The following ZBTB40 variants were observed in gnomAD, a reference collection of about 807,000 sequenced individuals.
The protein encoded by ZBTB40 is zinc finger and BTB domain containing 40.
Under a neutral mutation model 117.5 loss-of-function variants are expected in ZBTB40, and 60 were observed. That is an observed-to-expected ratio of 0.51 (90% CI 0.41 to 0.63). The LOEUF is 0.63. Among genes scored for constraint, ZBTB40 ranks in the 30% least tolerant of loss-of-function variants. The pLI is 0.00. For missense variants in ZBTB40, 1,287 were observed against 1,498.5 expected, an observed-to-expected ratio of 0.86 and a Z score of 2.33; for synonymous variants, 525 against 577.1, an observed-to-expected ratio of 0.91 and a Z score of 1.29.
chr1:22,514,862 C>T (rs990897865), intron 12 of ZBTB40, among the ~76,000 whole-genome samples: 5 of 152,136 alleles, frequency 3.3e-5, no homozygotes, highest in African/African-American at 4.8e-5. Context: ...GGCCTTCAAT[C>T]GATATTTGCT....
chr1:22,456,174 G>C (rs1262605815), intron 1 of ZBTB40, among the ~76,000 whole-genome samples: 1 of 152,122 alleles, frequency 6.6e-6, no homozygotes, highest in Non-Finnish European at 1.5e-5. Context: ...AATATTAAGG[G>C]CATTTAAATT....
Position 22,511,770 on chromosome 1 carries a change from C to G in ZBTB40, c.2097C>G (p.Ala699=), listed in dbSNP as rs1461868332. Residue 699 remains alanine, a synonymous_variant, in exon 11 of 18, where the codon GCC becomes GCG. Coordinates refer to ENST00000375647, the MANE Select transcript of ZBTB40 (RefSeq NM_014870.4). ...EANNKEDEKA[A]KEDSQPGEQN... ...ACAACAAAGAAGATGAAAAGGCAGCCAAAGAAGACAGCCAGCCTGGGGAAC... is the reference window on the plus strand; with the variant it reads ...ACAACAAAGAAGATGAAAAGGCAGCGAAAGAAGACAGCCAGCCTGGGGAAC... The G allele has an allele frequency of 3.1e-6, 5 of 1,609,676 alleles. No homozygotes were observed. Among genetic ancestry groups the G allele is most frequent in the Middle Eastern group, 3.3e-4 (2 of 6,046 alleles).
chr1:22,463,914 A>T (rs1641191534), intron 1 of ZBTB40, among the ~76,000 whole-genome samples: 1 of 152,282 alleles, frequency 6.6e-6, no homozygotes, highest in Non-Finnish European at 1.5e-5. Flanking sequence ...AATGGTTATT[A>T]TAGGCACATC....
intron 3 of ZBTB40, among the ~76,000 whole-genome samples, chr1:22,499,179 G>A (rs577463144): frequency 6.6e-6 from 1 of 152,328 alleles, no homozygotes; most frequent in South Asian, 2.1e-4. Flanking sequence ...CCACTTCCAA[G>A]CTTACTCCCT....
In ZBTB40 at chr1:22,528,435, A is replaced by G. The variant is rs199795892; in HGVS notation, c.*2039A>G. On this transcript the variant is annotated 3_prime_UTR_variant, in exon 18 of 18. Coordinates refer to ENST00000375647, the MANE Select transcript of ZBTB40 (RefSeq NM_014870.4). ...TATAGGGAAGTGATTTAAAAAGAAA[A>G]AACAAACAACAACAAAAAAAACTCT... is the stretch of plus-strand genomic sequence containing the variant. 1 of 63,230 alleles carries G rather than the reference A, an allele frequency of 1.6e-5. No individual in the cohort carries two copies. The highest frequency in any genetic ancestry group is 3.3e-5 in the Non-Finnish European group (1 of 30,390). 3.9% of individuals were successfully genotyped at this position (63,230 alleles called of 1,614,324 possible). A position where few individuals can be genotyped will look rare whatever the true frequency, so the allele number is the denominator to read the frequency against.
chr1:22,442,959 G>T (rs996266744), intron 1 of ZBTB40, among the ~76,000 whole-genome samples: 3 of 152,146 alleles, frequency 2.0e-5, no homozygotes, highest in African/African-American at 7.2e-5. Flanking sequence ...TCTTCCAGTT[G>T]TATTTAATCT....
At chr1:22,432,778 A>G (rs1358860022) in intron 1 of ZBTB40, among the ~76,000 whole-genome samples, 1 of 152,202 alleles carries the variant, frequency 6.6e-6, no homozygotes, top group African/African-American at 2.4e-5. Context: ...CATCACCACC[A>G]TTAGCACACA....
rs1444592163 is a variant in ZBTB40 at position 22,522,552 on chromosome 1, C to T, written c.3298+89C>T. The T allele has an allele frequency of 2.1e-5, 27 of 1,268,024 alleles. 1 individual carries two copies. In the East Asian group the frequency reaches 4.4e-4, roughly 21 times the overall value. The allele number at this position is 1,268,024 out of a possible 1,614,324, so 78.5% of individuals were successfully genotyped here. ...TGCAGCTTTGCAACCTAGGCTAAAT[C>T]GCTTAACAAACCTGTGCCTCGGTTT... On this transcript the variant is annotated intron_variant, in intron 16 of 17. Transcript: ENST00000375647.
intron 1 of ZBTB40, among the ~76,000 whole-genome samples, chr1:22,433,448 A>AAAAAAAAAAAAAAAAAAC: frequency 7.1e-6 from 1 of 141,172 alleles, no homozygotes; most frequent in Non-Finnish European, 1.6e-5. Flanking sequence ...AAAAAAAAAA[A>AAAAAAAAAAAAAAAAAAC]AAAAAAAAAG....
upstream of ZBTB40, among the ~76,000 whole-genome samples, chr1:22,448,812 CTTTTTA>C (rs1433569980): frequency 7.9e-6 from 1 of 126,614 alleles, no homozygotes; most frequent in Non-Finnish European, 1.8e-5. Context: ...TTCTTTTTTT[CTTTTTA>C]AATTTTTTTT....
rs527696639 is a variant in ZBTB40 at position 22,513,486 on chromosome 1, G to A, written c.2668+356G>A. Among the ~76,000 whole-genome samples the A allele has an allele frequency of 6.6e-6, 1 of 150,472 alleles. No individual in the cohort carries two copies. Among genetic ancestry groups the A allele is most frequent in the Non-Finnish European group, 1.5e-5 (1 of 67,756 alleles). On this transcript the variant is annotated intron_variant, in intron 12 of 17. Coordinates refer to ENST00000375647, the MANE Select transcript of ZBTB40 (RefSeq NM_014870.4). This position sits in a 1 kb window ranked among gnomAD's most constrained non-coding sequence, Gnocchi z 4.9. ...AAGGCTGAGGCAGGCGGATCACAAG[G>A]TCAGGAGATTGAGACCATCCTGGCT...
chr1:22,435,939 TG>T, intron 1 of ZBTB40, among the ~76,000 whole-genome samples: 1 of 149,870 alleles, frequency 6.7e-6, no homozygotes, highest in Non-Finnish European at 1.5e-5. Context: ...TAGCCGGGCA[TG>T]GTGGTGGGTG....
At chr1:22,448,366 A>C (rs550095293), upstream of ZBTB40, among the ~76,000 whole-genome samples, 2 of 152,222 alleles carry the variant, frequency 1.3e-5, no homozygotes, top group Non-Finnish European at 2.9e-5. Context: ...ACCCATGTAA[A>C]TATGCCCAGA....
chr1:22,523,173 G>T (rs1023773524), intron 16 of ZBTB40, among the ~76,000 whole-genome samples: 1 of 151,478 alleles, frequency 6.6e-6, no homozygotes, highest in South Asian at 2.1e-4. Context: ...GGATGGTCTC[G>T]ATCTCCTGAC....
chr1:22,456,674 G>A (rs1240335949), intron 1 of ZBTB40, among the ~76,000 whole-genome samples: 1 of 152,188 alleles, frequency 6.6e-6, no homozygotes, highest in Non-Finnish European at 1.5e-5. Flanking sequence ...CTTAATCTCA[G>A]ATTTTAAGTC....
At chr1:22,468,643 C>CTTTTTTTTTTTTTTTTTT (rs71020424) in intron 1 of ZBTB40, among the ~76,000 whole-genome samples, 1 of 28,600 alleles carries the variant, frequency 3.5e-5, no homozygotes. Context: ...GCCTGGCTGG[C>CTTTTTTTTTTTTTTTTTT]TTTTTTTTTT....
At chr1:22,490,765 T>C in intron 2 of ZBTB40, 120 bp downstream of exon 2, 1 of 1,106,708 alleles carries the variant, frequency 9.0e-7, no homozygotes, top group South Asian at 1.3e-5. Flanking sequence ...TTCAGTGCAG[T>C]ACCGTACTGG....
rs1376084214 is a variant in ZBTB40 at position 22,489,917 on chromosome 1, G to A, written c.-32G>A. The A allele has an allele frequency of 1.9e-6, 3 of 1,601,270 alleles. No individual in the cohort carries two copies. In the South Asian group the frequency reaches 3.3e-5, roughly 18 times the overall value. ...CAAAGCCAACTCTAAGGAGAGGAGA[G>A]GAAGAGCAGTTCTTGGGGCAGAGTT... On this transcript the variant is annotated 5_prime_UTR_variant, in exon 2 of 18. Coordinates refer to ENST00000375647, the MANE Select transcript of ZBTB40 (RefSeq NM_014870.4).
intron 1 of ZBTB40, among the ~76,000 whole-genome samples, chr1:22,480,499 G>A (rs773123796): frequency 3.3e-5 from 5 of 151,850 alleles, no homozygotes; most frequent in African/African-American, 4.8e-5. Flanking sequence ...TTTCTGTGTC[G>A]TTGTTGTTGT....
Sources: gnomAD v4.1 joint callset for allele counts (sites outside exome capture counted in the v4.1 genomes callset) on GRCh38, gnomAD v4.1.1 for gene constraint, Gnocchi (gnomAD v3.1) non-coding constraint, MANE v1.5 for transcripts, NCBI Gene and HGNC (gene_info 2026-07-23, HGNC 2026-07-21) for gene names.